The following ST7 variants were observed in gnomAD, a reference collection of about 807,000 sequenced individuals.
ST7 encodes suppression of tumorigenicity 7, also known as suppressor of tumorigenicity 7 protein.
Under a neutral mutation model 78.7 loss-of-function variants are expected in ST7, and 28 were observed. That is an observed-to-expected ratio of 0.36 (90% confidence interval 0.26 to 0.49). The LOEUF (loss-of-function observed/expected upper bound fraction) is 0.49, where lower values mean the gene tolerates loss of function less well. ST7 is among the 20% of genes least tolerant of loss of function. The pLI is 0.99. For missense variants in ST7, 418 were observed against 696.0 expected, an observed-to-expected ratio of 0.60 and a Z score of 4.49; for synonymous variants, 247 against 249.6, an observed-to-expected ratio of 0.99 and a Z score of 0.10.
At chr7:116,967,512 C>T in intron 1 of ST7, 1 of 406,702 alleles carries the variant, frequency 2.5e-6, no homozygotes, top group South Asian at 1.8e-5. Context: ...GTGGACCTTT[C>T]TGCTAATTGT....
chr7:117,109,443 C>G (rs1802243601), intron 2 of ST7, among the ~76,000 whole-genome samples: 1 of 152,066 alleles, frequency 6.6e-6, no homozygotes, highest in African/African-American at 2.4e-5. Flanking sequence ...CCCCTTTACA[C>G]ACATAAACTA....
chr7:117,030,589 G>C (rs1261384681), intron 1 of ST7, among the ~76,000 whole-genome samples: 2 of 152,020 alleles, frequency 1.3e-5, no homozygotes, highest in Non-Finnish European at 2.9e-5. Flanking sequence ...TGAAAAAATG[G>C]TCAATATCAC....
At chr7:117,163,060 A>G (rs867712330) in intron 9 of ST7, among the ~76,000 whole-genome samples, 3 of 152,316 alleles carry the variant, frequency 2.0e-5, no homozygotes, top group South Asian at 2.1e-4. Context: ...TTCGCTTAAC[A>G]TAATAGTGTC....
chr7:117,013,664 C>G (rs1378116599), intron 1 of ST7, among the ~76,000 whole-genome samples: 1 of 152,092 alleles, frequency 6.6e-6, no homozygotes, highest in African/African-American at 2.4e-5. Context: ...CCCATTTCTA[C>G]TAAAAATACA....
chr7:117,199,992 C>G (rs1413455065), intron 12 of ST7, among the ~76,000 whole-genome samples: 3 of 152,098 alleles, frequency 2.0e-5, no homozygotes, highest in Non-Finnish European at 2.9e-5. Flanking sequence ...ATTGTGGTCC[C>G]CAGAATTGAG....
At chr7:116,961,728 T>G (rs925473948) in intron 1 of ST7, among the ~76,000 whole-genome samples, 1 of 152,108 alleles carries the variant, frequency 6.6e-6, no homozygotes, top group Non-Finnish European at 1.5e-5. Flanking sequence ...GTTTATTAGC[T>G]TAAGGAGCTT....
At chr7:117,135,998 C>T in intron 7 of ST7, 83 bp from the exon 8 acceptor site, 3 of 1,503,276 alleles carry the variant, frequency 2.0e-6, no homozygotes, top group East Asian at 4.5e-5. Flanking sequence ...GGCGTAACTC[C>T]TTGCCTTTCT....
At chr7:117,070,555 GT>G (rs869256733) in intron 1 of ST7, among the ~76,000 whole-genome samples, 1 of 148,066 alleles carries the variant, frequency 6.8e-6, no homozygotes, top group Non-Finnish European at 1.5e-5. Flanking sequence ...TTGTTTGTTT[GT>G]TTTTGAGACA....
intron 1 of ST7, among the ~76,000 whole-genome samples, chr7:117,085,456 CT>C (rs1800067297): frequency 6.6e-6 from 1 of 152,194 alleles, no homozygotes; most frequent in South Asian, 2.1e-4. Context: ...ACATGCCTCT[CT>C]GCTTATTCTC....
At chr7:117,134,940 G>A (rs1584437363) in intron 7 of ST7, among the ~76,000 whole-genome samples, 1 of 152,004 alleles carries the variant, frequency 6.6e-6, no homozygotes, top group Non-Finnish European at 1.5e-5. Flanking sequence ...TTAACTAGTA[G>A]CCCCAGCCCT....
intron 13 of ST7, among the ~76,000 whole-genome samples, chr7:117,215,204 C>G (rs1792599783): frequency 1.3e-5 from 2 of 152,116 alleles, no homozygotes; most frequent in South Asian, 4.1e-4. Flanking sequence ...GGATCACAAC[C>G]CAGCCTTTTG....
intron 15 of ST7, among the ~76,000 whole-genome samples, chr7:117,227,154 C>T (rs1419520447): frequency 2.6e-5 from 4 of 152,200 alleles, no homozygotes; most frequent in Non-Finnish European, 5.9e-5. Context: ...TTCTACAGCT[C>T]AAGGTGAGGC....
intron 15 of ST7, chr7:117,223,014 G>T (rs1563181387): frequency 1.4e-6 from 2 of 1,473,612 alleles, no homozygotes; most frequent in Non-Finnish European, 1.9e-6. Flanking sequence ...CACCAAAACT[G>T]CTCCTCCTCC....
At chr7:117,001,285 A>G (rs1247139805) in intron 1 of ST7, among the ~76,000 whole-genome samples, 1 of 151,962 alleles carries the variant, frequency 6.6e-6, no homozygotes, top group African/African-American at 2.4e-5. Flanking sequence ...ATGTAGAAGA[A>G]TGTATGTATT....
At chr7:117,001,829 A>G (rs1316932682) in intron 1 of ST7, among the ~76,000 whole-genome samples, 2 of 152,210 alleles carry the variant, frequency 1.3e-5, no homozygotes, top group East Asian at 3.8e-4. Flanking sequence ...TTGTTCCACA[A>G]AGATAATCTG....
At chr7:116,964,037 T>G (rs1792974123) in intron 1 of ST7, among the ~76,000 whole-genome samples, 1 of 152,204 alleles carries the variant, frequency 6.6e-6, no homozygotes, top group South Asian at 2.1e-4. Flanking sequence ...GAAGGACTAT[T>G]TGTTTTATTA....
intron 2 of ST7, among the ~76,000 whole-genome samples, chr7:117,108,745 TTTGTG>T (rs1264633691): frequency 2.6e-5 from 4 of 152,216 alleles, no homozygotes; most frequent in African/African-American, 9.6e-5. Context: ...TTTCCATTTG[TTTGTG>T]TTATCTGTGA....
intron 9 of ST7, among the ~76,000 whole-genome samples, chr7:117,164,407 T>G (rs1466402983): frequency 6.6e-6 from 1 of 152,136 alleles, no homozygotes; most frequent in Non-Finnish European, 1.5e-5. Context: ...TTTCAGAATG[T>G]GATAGAAACA....
rs1311244723 is a variant in ST7 at position 117,117,000 on chromosome 7, A to G, written c.235-2561A>G. ...AAGTAAAGATTTGAAAAAAGGAATG[A>G]TAGGCTACATCTGTCTGTTTATACG... is the stretch of plus-strand genomic sequence containing the variant. On this transcript the variant is annotated intron_variant, in intron 2 of 15. Coordinates refer to ENST00000323984, the MANE Select transcript of ST7 (RefSeq NM_001369598.1). Among the ~76,000 whole-genome samples the G allele has an allele frequency of 2.0e-5, 3 of 152,182 alleles. No homozygotes were observed. The East Asian group carries it at 5.8e-4, about 29-fold the overall frequency.
Sources: allele counts gnomAD v4.1 joint callset (sites outside exome capture counted in the v4.1 genomes callset), GRCh38; gene constraint gnomAD v4.1.1; transcripts MANE v1.5; gene names NCBI Gene and HGNC (gene_info 2026-07-23, HGNC 2026-07-21).